NTNG1: variants seen among roughly 807,000 people sequenced by gnomAD.
The protein encoded by NTNG1 is netrin-G1.
A neutral mutation model predicts 54.0 loss-of-function variants in NTNG1; 16 were observed. The observed-to-expected ratio is 0.30, with a 90% CI of 0.20 to 0.45. The LOEUF is 0.45. NTNG1 is among the 20% of genes least tolerant of loss of function. The pLI is 1.00. For synonymous variants in NTNG1, 255 were observed against 263.1 expected, an observed-to-expected ratio of 0.97 and a Z score of 0.30; for missense variants, 530 against 678.7, an observed-to-expected ratio of 0.78 and a Z score of 2.43.
intron 2 of NTNG1, among the ~76,000 whole-genome samples, chr1:107,232,039 T>C (rs1661101441): frequency 6.6e-6 from 1 of 152,202 alleles, no homozygotes; most frequent in Non-Finnish European, 1.5e-5. Context: ...AGCTTGGTAC[T>C]ATGTGGATAT....
intron 7 of NTNG1, among the ~76,000 whole-genome samples, chr1:107,473,444 A>G (rs999079086): frequency 6.6e-6 from 1 of 152,182 alleles, no homozygotes; most frequent in African/African-American, 2.4e-5. Flanking sequence ...CCCTCTGAGC[A>G]TAAGGAGTCC....
intron 3 of NTNG1, among the ~76,000 whole-genome samples, chr1:107,327,697 C>T (rs935647892): frequency 5.3e-5 from 8 of 151,684 alleles, no homozygotes; most frequent in African/African-American, 1.7e-4. Flanking sequence ...CTACTTGTTA[C>T]TTCTATCCCC....
rs573816916 is a variant in NTNG1, at chr1:107,433,134, C to T, written c.1255+2217C>T. ...AAAGTTTATTAATTAAAATTATAAACTTTTGGAAAATTCCATTTTATCGAG... is the reference window on the plus strand; with the variant it reads ...AAAGTTTATTAATTAAAATTATAAATTTTTGGAAAATTCCATTTTATCGAG... On this transcript the variant is annotated intron_variant, in intron 6 of 7. Coordinates refer to ENST00000370068, the MANE Select transcript of NTNG1 (RefSeq NM_001113226.3). 2.0e-5 allele frequency among the ~76,000 whole-genome samples: 3 copies of T among 152,242 alleles called. No individual in the cohort carries two copies. The South Asian group carries it at 6.2e-4, about 32-fold the overall frequency.
intron 2 of NTNG1, among the ~76,000 whole-genome samples, chr1:107,161,503 A>G (rs1157353645): frequency 7.2e-5 from 11 of 151,942 alleles, no homozygotes; most frequent in Non-Finnish European, 2.9e-5. Context: ...TCTACTAAAA[A>G]TACAAAAATT....
chr1:107,242,743 G>A (rs1267180456), intron 2 of NTNG1, among the ~76,000 whole-genome samples: 5 of 152,076 alleles, frequency 3.3e-5, no homozygotes, highest in Admixed American at 1.3e-4. Context: ...CTCTCCACTC[G>A]ACCACCTCCT....
At chr1:107,357,985 G>A (rs938111479) in intron 3 of NTNG1, among the ~76,000 whole-genome samples, 3 of 152,064 alleles carry the variant, frequency 2.0e-5, no homozygotes, top group African/African-American at 4.8e-5. Context: ...AAGTCAAATC[G>A]TTTCTTTTAA....
At chr1:107,443,157 C>T (rs774905875) in intron 7 of NTNG1, among the ~76,000 whole-genome samples, 47 of 152,066 alleles carry the variant, frequency 3.1e-4, no homozygotes, top group Non-Finnish European at 1.2e-4. Context: ...GGGGAGGCAT[C>T]GTGAAGTTGC....
intron 2 of NTNG1, among the ~76,000 whole-genome samples, chr1:107,207,045 T>G (rs921328569): frequency 4.2e-4 from 64 of 152,202 alleles, no homozygotes; most frequent in African/African-American, 1.4e-3. Context: ...GATTTTTCAC[T>G]GATACTTTTT....
chr1:107,240,419 G>A (rs1178058921), intron 2 of NTNG1, among the ~76,000 whole-genome samples: 1 of 152,062 alleles, frequency 6.6e-6, no homozygotes, highest in East Asian at 1.9e-4. Flanking sequence ...TTGCACTCCA[G>A]AAGAGCCCAG....
intron 2 of NTNG1, among the ~76,000 whole-genome samples, chr1:107,314,787 C>T (rs1267706394): frequency 6.6e-6 from 1 of 152,148 alleles, no homozygotes; most frequent in African/African-American, 2.4e-5. Context: ...GGACTCGTGT[C>T]CTGACTTTTG....
intron 7 of NTNG1, among the ~76,000 whole-genome samples, chr1:107,475,025 A>G (rs1226169079): frequency 6.6e-6 from 1 of 152,216 alleles, no homozygotes; most frequent in African/African-American, 2.4e-5. Flanking sequence ...TATTTTCTGT[A>G]TGAGCTGATT....
chr1:107,352,430 G>T (rs1669674622), intron 3 of NTNG1, among the ~76,000 whole-genome samples: 1 of 152,012 alleles, frequency 6.6e-6, no homozygotes, highest in South Asian at 2.1e-4. Context: ...GAAGACAATG[G>T]CCCTCTTCTG....
Position 107,349,279 on chromosome 1 carries a change from AC to A in NTNG1, c.887+24360del, listed in dbSNP as rs201043569. Among the ~76,000 whole-genome samples, 792 of 152,338 alleles carry A rather than the reference AC, an allele frequency of 5.2e-3. 6 individuals carry two copies. Among genetic ancestry groups the A allele is most frequent in the Non-Finnish European group, 8.2e-3 (557 of 68,042 alleles). ...ACAGCAACCCCACCCTGATTATATTACCCTGTTGTTGTTGTTCGTAGCACTG... is the reference window on the plus strand; with the variant it reads ...ACAGCAACCCCACCCTGATTATATTACCTGTTGTTGTTGTTCGTAGCACTG... On this transcript the variant is annotated intron_variant, in intron 3 of 7. Coordinates refer to ENST00000370068, the MANE Select transcript of NTNG1 (RefSeq NM_001113226.3).
intron 7 of NTNG1, among the ~76,000 whole-genome samples, chr1:107,438,073 CTG>C (rs1675722612): frequency 1.3e-5 from 2 of 152,100 alleles, no homozygotes; most frequent in Non-Finnish European, 2.9e-5. Flanking sequence ...ATAATAATAA[CTG>C]TGTAGATCCA....
At chr1:107,314,436 T>A (rs143463757) in intron 2 of NTNG1, among the ~76,000 whole-genome samples, 1 of 41,592 alleles carries the variant, frequency 2.4e-5, no homozygotes, top group African/African-American at 6.7e-5. Flanking sequence ...AATAAATAAA[T>A]AAATAAATAA....
At chr1:107,359,677 C>T (rs2100939837) in intron 3 of NTNG1, among the ~76,000 whole-genome samples, 1 of 152,150 alleles carries the variant, frequency 6.6e-6, no homozygotes, top group Admixed American at 6.5e-5. Context: ...CTTCCTGTTT[C>T]TGTGATTAGA....
intron 7 of NTNG1, among the ~76,000 whole-genome samples, chr1:107,438,006 T>C (rs1413476750): frequency 1.3e-5 from 2 of 152,186 alleles, no homozygotes; most frequent in East Asian, 1.9e-4. Flanking sequence ...ATTTGTATAA[T>C]ATAGTAGTAA....
At chr1:107,170,536 A>G (rs898603290) in intron 2 of NTNG1, among the ~76,000 whole-genome samples, 1 of 152,170 alleles carries the variant, frequency 6.6e-6, no homozygotes, top group Non-Finnish European at 1.5e-5. Context: ...GTAAAAGAAA[A>G]TAATTATTTA....
chr1:107,387,655 A>T (rs1268291369), intron 3 of NTNG1, among the ~76,000 whole-genome samples: 1 of 152,196 alleles, frequency 6.6e-6, no homozygotes, highest in Non-Finnish European at 1.5e-5. Flanking sequence ...AGAGAGAGTA[A>T]TGTCCTAGAT....
Sources: gnomAD v4.1 joint callset for allele counts (sites outside exome capture counted in the v4.1 genomes callset) on GRCh38, gnomAD v4.1.1 for gene constraint, MANE v1.5 for transcripts, NCBI Gene and HGNC (gene_info 2026-07-23, HGNC 2026-07-21) for gene names.